Variants in PPFIBP1 observed in about 807,000 individuals in gnomAD.
The protein encoded by PPFIBP1 is liprin-beta-1.
PPFIBP1 carries 112 observed loss-of-function variants against 137.8 expected under a neutral mutation model. The ratio of observed to expected loss-of-function variants is 0.81; its 90% CI spans 0.70 to 0.95. PPFIBP1 has a LOEUF of 0.95. Ranked by LOEUF, PPFIBP1 falls within the 40% of genes least tolerant of loss-of-function variation. The probability of loss-of-function intolerance (pLI) is 0.00; values close to 1 mark genes in which losing one functional copy is unlikely to be tolerated. For missense variants in PPFIBP1, 1,083 were observed against 1,196.6 expected, an observed-to-expected ratio of 0.91 and a Z score of 1.40; for synonymous variants, 378 against 417.3, an observed-to-expected ratio of 0.91 and a Z score of 1.15.
At chr12:27,592,328 TG>T in intron 2 of PPFIBP1, 1 of 567,600 alleles carries the variant, frequency 1.8e-6, no homozygotes, top group Non-Finnish European at 3.0e-6. Flanking sequence ...GATGGTGTGC[TG>T]GAAGAGGAAG....
intron 5 of PPFIBP1, 106 bp from the exon 6 acceptor site, chr12:27,647,623 T>C: frequency 1.5e-6 from 1 of 681,440 alleles, no homozygotes; most frequent in Non-Finnish European, 2.4e-6. Context: ...TTTATAACCG[T>C]ATGAATGGTA....
intron 26 of PPFIBP1, 38 bp from the exon 27 acceptor site, chr12:27,688,977 G>GTGACTTT (rs760553381): frequency 1.3e-6 from 2 of 1,576,376 alleles, no homozygotes; most frequent in Non-Finnish European, 1.7e-6. Flanking sequence ...ATGATTTGTG[G>GTGACTTT]TGACTTTTGA....
chr12:27,660,059 C>CATTT (rs1260203814), intron 10 of PPFIBP1, among the ~76,000 whole-genome samples: 1 of 149,218 alleles, frequency 6.7e-6, no homozygotes, highest in East Asian at 2.0e-4. Context: ...AGTGACTTTT[C>CATTT]ATTTATTTAT....
chr12:27,597,094 C>T (rs1347806216), intron 2 of PPFIBP1, among the ~76,000 whole-genome samples: 1 of 152,224 alleles, frequency 6.6e-6, no homozygotes, highest in South Asian at 2.1e-4. Flanking sequence ...GCAAGGGGTA[C>T]ATATGGTATA....
rs768891709 is a variant in PPFIBP1, at chr12:27,646,109, G to A, written c.318G>A (p.Leu106=). 3.7e-6 allele frequency: 6 copies of A among 1,612,092 alleles called. No individual in the cohort carries two copies. In the South Asian group the frequency reaches 5.5e-5, roughly 15 times the overall value. ...PGNGDVYQER[L]ARLENDKESL... is the part of the protein sequence containing the mutation. ...ACGGAGATGTGTATCAAGAAAGGCT[G>A]GCACGTTTAGAAAATGATAAAGAAT... The change falls in exon 5 of 30, where the codon CTG becomes CTA. Residue 106 remains leucine, a synonymous_variant. Coordinates refer to ENST00000228425, the MANE Select transcript of PPFIBP1 (RefSeq NM_003622.4).
rs780459946 is a variant in PPFIBP1 at position 27,681,622 on chromosome 12, T to C, written c.1972T>C (p.Tyr658His). The C allele has an allele frequency of 6.8e-6, 11 of 1,614,208 alleles. No individual in the cohort carries two copies. Among genetic ancestry groups the C allele is most frequent in the African/African-American group, 1.3e-5 (1 of 75,056 alleles). The change falls in exon 22 of 30, where the codon TAC (tyrosine) becomes CAC (histidine). Residue 658 changes from tyrosine (Y) to histidine (H), a missense_variant. Transcript: ENST00000228425. ...NWLMEQGLGS[Y>H]LNSGKHWIAS... ...GCTGATGGAACAGGGCTTGGGCTCG[T>C]ACCTGAATTCTGGCAAGCACTGGAT...
intron 2 of PPFIBP1, among the ~76,000 whole-genome samples, chr12:27,582,103 G>A (rs898181768): frequency 1.3e-5 from 2 of 151,960 alleles, no homozygotes; most frequent in Non-Finnish European, 2.9e-5. Flanking sequence ...TTAGGAAATT[G>A]GCAGCCAATG....
chr12:27,583,700 T>C (rs2051380500), intron 2 of PPFIBP1, among the ~76,000 whole-genome samples: 1 of 152,110 alleles, frequency 6.6e-6, no homozygotes, highest in African/African-American at 2.4e-5. Flanking sequence ...GAAAAATCCA[T>C]TTACATTTAC....
chr12:27,673,776 T>A lies in PPFIBP1; in HGVS notation c.1329T>A (p.Ser443Arg), dbSNP rs778619930. 6.2e-7 allele frequency: 1 copy of A among 1,613,054 alleles called. No homozygotes were observed. The highest frequency in any genetic ancestry group is 8.5e-7 in the Non-Finnish European group (1 of 1,179,280). Residue 443 changes from serine (S) to arginine (R), a missense_variant, in exon 16 of 30, where the codon AGT (serine) becomes AGA (arginine). Coordinates refer to ENST00000228425, the MANE Select transcript of PPFIBP1 (RefSeq NM_003622.4). ...TTACTGTTATTTTTAGAACTTCAAG[T>A]CTGCAGAAGTCCAGCAGCCTGGGCA... Reference protein sequence around the residue: ...TQLCDKLLTSSLQKSSSLGNL... With the variant: ...TQLCDKLLTSRLQKSSSLGNL...
At chr12:27,574,929 G>A (rs1457662603) in intron 1 of PPFIBP1, among the ~76,000 whole-genome samples, 1 of 152,112 alleles carries the variant, frequency 6.6e-6, no homozygotes, top group African/African-American at 2.4e-5. Flanking sequence ...ATATTCCCTG[G>A]TATATAAGTT....
At chr12:27,692,735 G>C in intron 29 of PPFIBP1, 61 bp from the exon 30 acceptor site, 1 of 1,613,886 alleles carries the variant, frequency 6.2e-7, no homozygotes, top group African/African-American at 1.3e-5. Flanking sequence ...ATGTCTCTTG[G>C]AGAATGTGTA....
At chr12:27,651,950 TC>T (rs1479385355) in intron 7 of PPFIBP1, among the ~76,000 whole-genome samples, 2 of 152,208 alleles carry the variant, frequency 1.3e-5, no homozygotes, top group Non-Finnish European at 2.9e-5. Flanking sequence ...TCATCAAACT[TC>T]CTGTACACTC....
At chr12:27,575,686 G>A (rs2050496390) in intron 1 of PPFIBP1, among the ~76,000 whole-genome samples, 1 of 152,128 alleles carries the variant, frequency 6.6e-6, no homozygotes, top group Non-Finnish European at 1.5e-5. Context: ...CAAGCTATTT[G>A]TATTTATGCT....
chr12:27,680,478 C>T lies in PPFIBP1; in HGVS notation c.1895+417C>T, dbSNP rs184886873. On this transcript the variant is annotated intron_variant, in intron 21 of 29. Coordinates refer to ENST00000228425, the MANE Select transcript of PPFIBP1 (RefSeq NM_003622.4). The stretch of plus-strand genomic sequence containing the variant: ...GGGTGACCTTGAGCAACAGCTTCCA[C>T]ACCCTGTGCCTCAGTCTCCTCATCA... Among the ~76,000 whole-genome samples the T allele has an allele frequency of 3.9e-5, 6 of 152,326 alleles. No individual in the cohort carries two copies. The East Asian group carries it at 9.6e-4, about 24-fold the overall frequency.
intron 10 of PPFIBP1, 27 bp from the exon 11 acceptor site, chr12:27,660,857 T>A: frequency 6.2e-7 from 1 of 1,612,232 alleles, no homozygotes; most frequent in Non-Finnish European, 8.5e-7. Flanking sequence ...TGAACTGAAC[T>A]GACTTCTGAT....
chr12:27,583,624 G>A (rs1002521039), intron 2 of PPFIBP1, among the ~76,000 whole-genome samples: 2 of 152,154 alleles, frequency 1.3e-5, no homozygotes, highest in Admixed American at 6.5e-5. Context: ...CAAGTATCAA[G>A]CAGGAAATAA....
chr12:27,673,488 C>T (rs1261772908), intron 15 of PPFIBP1, among the ~76,000 whole-genome samples: 2 of 152,174 alleles, frequency 1.3e-5, no homozygotes, highest in South Asian at 4.1e-4. Context: ...GCTTTATTTT[C>T]GAATATTGAC....
At chr12:27,592,111 G>A (rs1459909476) in intron 2 of PPFIBP1, among the ~76,000 whole-genome samples, 8 of 152,224 alleles carry the variant, frequency 5.3e-5, no homozygotes, top group Non-Finnish European at 1.2e-4. Flanking sequence ...CCTTGGAAGT[G>A]CATCTTCCCA....
At chr12:27,656,201 T>C (rs543788565) in intron 8 of PPFIBP1, among the ~76,000 whole-genome samples, 1 of 152,370 alleles carries the variant, frequency 6.6e-6, no homozygotes, top group Admixed American at 6.5e-5. Flanking sequence ...CAACTTGAAA[T>C]GCTGAATAAA....
Sources: allele counts gnomAD v4.1 joint callset (sites outside exome capture counted in the v4.1 genomes callset), GRCh38; gene constraint gnomAD v4.1.1; transcripts MANE v1.5; gene names NCBI Gene and HGNC (gene_info 2026-07-23, HGNC 2026-07-21).